The following NPHP4 variants were observed in gnomAD, a reference collection of about 807,000 sequenced individuals.
The protein encoded by NPHP4 is nephrocystin 4.
NPHP4 carries 151 observed loss-of-function variants against 155.8 expected under a neutral mutation model. That is an observed-to-expected ratio of 0.97 (90% CI 0.85 to 1.11). The LOEUF is 1.11. NPHP4 is among the 50% of genes least tolerant of loss of function. NPHP4 has a pLI of 0.00. For synonymous variants in NPHP4, 845 were observed against 816.8 expected (o/e 1.03, Z -0.59); for missense variants, 1,956 against 1,925.7 (o/e 1.02, Z -0.29).
intron 9 of NPHP4, among the ~76,000 whole-genome samples, chr1:5,936,344 G>A (rs1023437054): frequency 7.2e-5 from 11 of 152,286 alleles, no homozygotes; most frequent in African/African-American, 9.6e-5. Flanking sequence ...CAGAGGGACC[G>A]GCAGACAGGA....
At chr1:5,941,649 T>A (rs994406696) in intron 9 of NPHP4, among the ~76,000 whole-genome samples, 18 of 152,192 alleles carry the variant, frequency 1.2e-4, no homozygotes, top group African/African-American at 4.3e-4. Flanking sequence ...TGAAGCATCT[T>A]CTGAAGCCAG....
chr1:5,967,017 A>C (rs1445366539), intron 5 of NPHP4, among the ~76,000 whole-genome samples: 1 of 152,162 alleles, frequency 6.6e-6, no homozygotes, highest in East Asian at 1.9e-4. Flanking sequence ...CTACTACTTC[A>C]TCTGGTGAGC....
At chr1:5,964,536 G>C (rs2102181891) in intron 5 of NPHP4, among the ~76,000 whole-genome samples, 1 of 152,218 alleles carries the variant, frequency 6.6e-6, no homozygotes, top group African/African-American at 2.4e-5. Context: ...GCCATGCCTG[G>C]AGAAGCATGT....
Position 5,904,809 on chromosome 1 carries a change from A to G in NPHP4, c.1956-5T>C. On this transcript the variant is annotated splice_polypyrimidine_tract_variant and splice_region_variant and intron_variant, in intron 15 of 29. Coordinates refer to ENST00000378156, the MANE Select transcript of NPHP4 (RefSeq NM_015102.5). ...CCTCGGCAGTCCTGGGCCACTCTGA[A>G]TCCAACAACAGCTCTGGGTTAACTG... 1 of 1,613,854 alleles carries G rather than the reference A, an allele frequency of 6.2e-7. No individual in the cohort carries two copies. The highest frequency in any genetic ancestry group is 8.5e-7 in the Non-Finnish European group (1 of 1,179,752).
chr1:5,949,339 T>TACACACACACACACACACACACACACAC (rs1411189925), intron 7 of NPHP4, among the ~76,000 whole-genome samples: 2 of 16,756 alleles, frequency 1.2e-4, no homozygotes, highest in Non-Finnish European at 2.4e-4. Context: ...CTCATTCACA[T>TACACACACACACACACACACACACACAC]ACATACACAC....
rs760246670 is a variant in NPHP4, at chr1:5,877,128, C to A, written c.2782G>T (p.Gly928Trp). 6.3e-7 allele frequency: 1 copy of A among 1,587,996 alleles called. No individual in the cohort carries two copies. The highest frequency in any genetic ancestry group is 1.3e-5 in the African/African-American group (1 of 74,656). Residue 928 changes from glycine (G) to tryptophan (W), a missense_variant, in exon 20 of 30, where the codon GGG becomes TGG. Coordinates refer to ENST00000378156, the MANE Select transcript of NPHP4 (RefSeq NM_015102.5). ...RMRSVRLQEA[G>W]GDLGRRGTSV... is the part of the protein sequence containing the mutation. Reference sequence around the variant, plus strand: ...GTCCCGCGCCGGCCCAAGTCTCCCCCGGCCTCCTGCAGGCGCACAGACCTC... The same window carrying A: ...GTCCCGCGCCGGCCCAAGTCTCCCCAGGCCTCCTGCAGGCGCACAGACCTC...
chr1:5,989,911 G>C (rs1655989476), intron 1 of NPHP4, among the ~76,000 whole-genome samples: 1 of 152,252 alleles, frequency 6.6e-6, no homozygotes, highest in South Asian at 2.1e-4. Context: ...ACACTAGGCG[G>C]AAGGGCATCC....
chr1:5,954,702 T>C (rs755813184), intron 6 of NPHP4, among the ~76,000 whole-genome samples: 5 of 152,182 alleles, frequency 3.3e-5, no homozygotes, highest in Non-Finnish European at 7.3e-5. Context: ...CAACTCAAAA[T>C]AGATTGAAGA....
chr1:5,943,541 C>A (rs867096722), intron 9 of NPHP4, among the ~76,000 whole-genome samples: 1 of 152,252 alleles, frequency 6.6e-6, no homozygotes, highest in Middle Eastern at 3.4e-3. Flanking sequence ...GCTCTCCCAG[C>A]ATTACGAATG....
At chr1:5,941,368 G>A (rs1646808102) in intron 9 of NPHP4, among the ~76,000 whole-genome samples, 1 of 149,642 alleles carries the variant, frequency 6.7e-6, no homozygotes, top group Non-Finnish European at 1.5e-5. Context: ...CTCTATGACT[G>A]GGGAACGAAG....
At chr1:5,888,637 G>T (rs775112074) in intron 17 of NPHP4, 3 of 1,338,228 alleles carry the variant, frequency 2.2e-6, no homozygotes, top group Non-Finnish European at 3.0e-6. Flanking sequence ...ACAAATACAA[G>T]AAACCATGTC....
chr1:5,925,806 G>A (rs948365913), intron 11 of NPHP4, among the ~76,000 whole-genome samples: 8 of 152,100 alleles, frequency 5.3e-5, no homozygotes, highest in Non-Finnish European at 7.4e-5. Context: ...TAGTAGAGAC[G>A]GGGTTTCACC....
At chr1:5,969,026 CAAA>C (rs34702999) in intron 4 of NPHP4, 58 bp downstream of exon 4, 7,264 of 928,080 alleles carry the variant, frequency 7.8e-3, no homozygotes, top group South Asian at 0.013. Flanking sequence ...GAATCTGTCT[CAAA>C]AAAAAAAAAA....
intron 6 of NPHP4, among the ~76,000 whole-genome samples, chr1:5,960,188 C>A (rs145400593): frequency 6.6e-6 from 1 of 152,160 alleles, no homozygotes; most frequent in African/African-American, 2.4e-5. Flanking sequence ...CCGAAGTGGG[C>A]GTGGAGAGCA....
At position 5,978,425 on chromosome 1, in the gene NPHP4, C is replaced by G. The variant is rs371432148; in HGVS notation, c.136-12G>C. ...ACCTCCAGCACGCCCTAGGAGACAA[C>G]GGGGAATTGACCCTCAAGAGTCTGA... On this transcript the variant is annotated splice_polypyrimidine_tract_variant and intron_variant, in intron 2 of 29. Coordinates refer to ENST00000378156, the MANE Select transcript of NPHP4 (RefSeq NM_015102.5). 1.4e-4 allele frequency: 216 copies of G among 1,595,432 alleles called. No individual in the cohort carries two copies. Among genetic ancestry groups the G allele is most frequent in the Non-Finnish European group, 1.7e-4 (198 of 1,171,234 alleles).
Position 5,942,362 on chromosome 1 carries a change from T to C in NPHP4, c.1119+4742A>G, listed in dbSNP as rs188324679. ...CTGGCTAACATGGTAAAACCCCATC[T>C]CTACTAAAAATACAAAAAATTAGCC... On this transcript the variant is annotated intron_variant, in intron 9 of 29. Coordinates refer to ENST00000378156, the MANE Select transcript of NPHP4 (RefSeq NM_015102.5). Among the ~76,000 whole-genome samples, 585 of 151,516 alleles carry C rather than the reference T, an allele frequency of 3.9e-3. 2 individuals are homozygous for C. The highest frequency in any genetic ancestry group is 0.014 in the African/African-American group (573 of 41,274).
intron 18 of NPHP4, chr1:5,881,925 G>A (rs72630606): frequency 0.14 from 21,405 of 152,322 alleles, 1,946 homozygotes; most frequent in Non-Finnish European, 0.21. Flanking sequence ...CACGTTGGCC[G>A]CCTCCTACTG....
chr1:5,908,938 A>G (rs1347602671), intron 12 of NPHP4, among the ~76,000 whole-genome samples: 1 of 152,210 alleles, frequency 6.6e-6, no homozygotes, highest in African/African-American at 2.4e-5. Context: ...GGTTGCAAGC[A>G]GCAGCCCCAC....
At chr1:5,974,000 C>T (rs958685704) in intron 3 of NPHP4, among the ~76,000 whole-genome samples, 1 of 152,270 alleles carries the variant, frequency 6.6e-6, no homozygotes, top group Non-Finnish European at 1.5e-5. Context: ...GAGCAGCCAT[C>T]GGGCTCTGCA....
Sources: allele counts gnomAD v4.1 joint callset (sites outside exome capture counted in the v4.1 genomes callset), GRCh38; gene constraint gnomAD v4.1.1; transcripts MANE v1.5; gene names NCBI Gene and HGNC (gene_info 2026-07-23, HGNC 2026-07-21).